The following GSE1 variants were observed in gnomAD, a reference collection of about 807,000 sequenced individuals.
GSE1 encodes Gse1 coiled-coil protein.
Under a neutral mutation model 112.6 loss-of-function variants are expected in GSE1, and 32 were observed. That is an observed-to-expected ratio of 0.28 (90% CI 0.21 to 0.38). GSE1 has a LOEUF of 0.38. GSE1 is among the 10% of genes least tolerant of loss of function. The pLI is 1.00. For missense variants in GSE1, 2,348 were observed against 1,699.2 expected (o/e 1.38, Z -6.71); for synonymous variants, 1,115 against 735.6 (o/e 1.52, Z -8.35).
intron 1 of GSE1, among the ~76,000 whole-genome samples, chr16:85,228,716 GC>G (rs2075532041): frequency 6.6e-6 from 1 of 152,210 alleles, no homozygotes; most frequent in Non-Finnish European, 1.5e-5. Flanking sequence ...GAGCAGATCT[GC>G]CGTGGCTGGG....
chr16:85,671,351 A>G (rs866175930), intron 15 of GSE1, among the ~76,000 whole-genome samples: 21 of 147,598 alleles, frequency 1.4e-4, no homozygotes, highest in African/African-American at 4.5e-4. Context: ...GAGGCAGGAG[A>G]ATGGCGTGAA....
Position 85,656,362 on chromosome 16 carries a change from C to A in GSE1, c.1009C>A (p.Leu337Ile). ...CTGCAGGCTGCAGATGGACGAGGAG[C>A]TAAGGCGGGAGAGGGAGCGCGAGCG... ...SAERLQMDEE[L>I]RRERERERER... The change falls in exon 7 of 16, where the codon CTA becomes ATA. Residue 337 changes from leucine (L) to isoleucine (I), a missense_variant. Transcript: ENST00000253458. The A allele has an allele frequency of 6.2e-7, 1 of 1,611,418 alleles. No homozygotes were observed. The highest frequency in any genetic ancestry group is 1.1e-5 in the South Asian group (1 of 90,968).
intron 1 of GSE1, among the ~76,000 whole-genome samples, chr16:85,589,629 G>A (rs904523699): frequency 6.6e-6 from 1 of 152,200 alleles, no homozygotes; most frequent in East Asian, 1.9e-4. Context: ...GCATATGTGT[G>A]AATGTCAGTG....
In GSE1 at chr16:85,519,337, T is replaced by C. The variant is rs370398360; in HGVS notation, c.2465-114577T>C. 1.9e-3 allele frequency among the ~76,000 whole-genome samples: 97 copies of C among 51,434 alleles called. 1 individual carries two copies. The East Asian group carries it at 0.038, about 20-fold the overall frequency. 33.7% of individuals were successfully genotyped at this position (51,434 alleles called of 152,430 possible). On this transcript the variant is annotated intron_variant, in intron 2 of 2. Coordinates refer to the GSE1 transcript ENST00000637419. ...TCACCTTCACCACCATCATCACTTT[T>C]ACCACCATCACTATCATCATCACCA...
chr16:85,349,450 C>T (rs966845333), intron 1 of GSE1, among the ~76,000 whole-genome samples: 1 of 152,098 alleles, frequency 6.6e-6, no homozygotes, highest in Admixed American at 6.5e-5. Context: ...AGAGGGCTCC[C>T]GTGGCAGGGC....
At chr16:85,480,447 C>T (rs189078660) in intron 2 of GSE1, among the ~76,000 whole-genome samples, 62 of 152,300 alleles carry the variant, frequency 4.1e-4, no homozygotes, top group South Asian at 1.2e-3. Flanking sequence ...GTGAGCTCTG[C>T]CGCCACCTCC....
At chr16:85,226,919 CTG>C (rs1452784445) in intron 1 of GSE1, among the ~76,000 whole-genome samples, 1 of 151,956 alleles carries the variant, frequency 6.6e-6, no homozygotes, top group African/African-American at 2.4e-5. Flanking sequence ...GGCCCGAAAA[CTG>C]AGGTTCTCCT....
intron 1 of GSE1, among the ~76,000 whole-genome samples, chr16:85,300,001 C>A: frequency 6.7e-6 from 1 of 149,434 alleles, no homozygotes. Context: ...ATATAACATA[C>A]AATTTCCCAT....
At chr16:85,561,316 G>C (rs2045510484) in intron 1 of GSE1, among the ~76,000 whole-genome samples, 1 of 152,150 alleles carries the variant, frequency 6.6e-6, no homozygotes, top group African/African-American at 2.4e-5. Flanking sequence ...TGGTGGAGCA[G>C]GGCGCCGATC....
At chr16:85,325,552 A>G (rs1327741443) in intron 1 of GSE1, among the ~76,000 whole-genome samples, 1 of 151,706 alleles carries the variant, frequency 6.6e-6, no homozygotes, top group Non-Finnish European at 1.5e-5. Context: ...CCTGGGTTCA[A>G]GTGGTTCTCC....
chr16:85,507,338 A>G (rs987917147), intron 2 of GSE1, among the ~76,000 whole-genome samples: 5 of 152,178 alleles, frequency 3.3e-5, no homozygotes, highest in Non-Finnish European at 7.4e-5. Context: ...AGGCGACCCC[A>G]CAAGGCCAAA....
chr16:85,192,269 C>T (rs1010040397), intron 1 of GSE1, among the ~76,000 whole-genome samples: 2 of 152,208 alleles, frequency 1.3e-5, no homozygotes, highest in African/African-American at 4.8e-5. Flanking sequence ...GGGTTCAAAT[C>T]GGGGCTCTAC....
chr16:85,380,282 C>T (rs1037096970), intron 2 of GSE1, among the ~76,000 whole-genome samples: 10 of 152,148 alleles, frequency 6.6e-5, no homozygotes, highest in African/African-American at 1.4e-4. Flanking sequence ...GATTCCAGGA[C>T]GCAAAGGAGA....
intron 2 of GSE1, among the ~76,000 whole-genome samples, chr16:85,407,207 T>C (rs1370842939): frequency 4.1e-5 from 1 of 24,562 alleles, no homozygotes; most frequent in Non-Finnish European, 6.4e-5. Context: ...CAGGCCCCCC[T>C]GGATAATCCT....
Position 85,674,931 on chromosome 16 carries a change from C to CG in GSE1, c.*2393dup, listed in dbSNP as rs969158999. 3.9e-5 allele frequency: 6 copies of CG among 152,670 alleles called. No homozygotes were observed. The highest frequency in any genetic ancestry group is 1.4e-4 in the African/African-American group (6 of 41,532). 9.5% of individuals were successfully genotyped at this position (152,670 alleles called of 1,614,324 possible). On this transcript the variant is annotated 3_prime_UTR_variant, in exon 16 of 16. Coordinates refer to ENST00000253458, the MANE Select transcript of GSE1 (RefSeq NM_014615.5). The stretch of plus-strand genomic sequence containing the variant: ...CTCTACTCTTGCTCAAGAAGTAATA[C>CG]GACAATCAGAATACAAACCAGTAAG...
chr16:85,574,166 C>G (rs563885515), intron 1 of GSE1, among the ~76,000 whole-genome samples: 20 of 152,310 alleles, frequency 1.3e-4, no homozygotes, highest in African/African-American at 4.6e-4. Flanking sequence ...TGGCCCAGCG[C>G]TCTTGTGGGA....
chr16:85,309,887 G>GC lies in GSE1; in HGVS notation c.2284-47571dup, dbSNP rs1196749614. On this transcript the variant is annotated intron_variant, in intron 1 of 2. Transcript: ENST00000637419. ...GGTTACAGCTGGCGAAGTGGCGGGC[G>GC]CCCCCTTGCCACCCCCTCACGCCCC... 3.9e-5 allele frequency among the ~76,000 whole-genome samples: 6 copies of GC among 152,304 alleles called. No individual in the cohort carries two copies. In the South Asian group the frequency reaches 1.2e-3, roughly 32 times the overall value.
At chr16:85,479,315 A>T (rs1284887441) in intron 2 of GSE1, among the ~76,000 whole-genome samples, 1 of 149,072 alleles carries the variant, frequency 6.7e-6, no homozygotes, top group Non-Finnish European at 1.5e-5. Context: ...TACAGGCGTG[A>T]GCCACTGTGT....
At chr16:85,230,916 G>C (rs1364749325) in intron 1 of GSE1, among the ~76,000 whole-genome samples, 1 of 150,564 alleles carries the variant, frequency 6.6e-6, no homozygotes, top group Non-Finnish European at 1.5e-5. Flanking sequence ...GAATGGAATG[G>C]ATGGATGGAT....
Sources: allele counts gnomAD v4.1 joint callset (sites outside exome capture counted in the v4.1 genomes callset), GRCh38; gene constraint gnomAD v4.1.1; transcripts MANE v1.5; gene names NCBI Gene and HGNC (gene_info 2026-07-23, HGNC 2026-07-21).